The following RAP1A variants were observed in gnomAD, a reference collection of about 807,000 sequenced individuals.
RAP1A encodes the protein ras-related protein Rap-1A.
A neutral mutation model predicts 26.4 loss-of-function variants in RAP1A; 6 were observed. The observed-to-expected ratio is 0.23, with a 90% CI of 0.12 to 0.45. The LOEUF (loss-of-function observed/expected upper bound fraction) is 0.45. Among genes scored for constraint, RAP1A ranks in the 20% least tolerant of loss-of-function variants. The probability of loss-of-function intolerance (pLI) is 0.99; values close to 1 mark genes in which losing one functional copy is unlikely to be tolerated. For missense variants in RAP1A, 121 were observed against 217.2 expected (o/e 0.56, Z 2.78); for synonymous variants, 73 against 79.4 (o/e 0.92, Z 0.43).
At chr1:111,605,947 G>A (rs1352061975) in intron 1 of RAP1A, among the ~76,000 whole-genome samples, 1 of 152,168 alleles carries the variant, frequency 6.6e-6, no homozygotes, top group African/African-American at 2.4e-5. Flanking sequence ...AGCAGCAGGA[G>A]GGCACCTCTG....
chr1:111,661,249 C>T (rs780374657), intron 1 of RAP1A, among the ~76,000 whole-genome samples: 1 of 152,020 alleles, frequency 6.6e-6, no homozygotes, highest in Non-Finnish European at 1.5e-5. Context: ...TGGAGGGATT[C>T]GGAGGAGGTC....
intron 1 of RAP1A, among the ~76,000 whole-genome samples, chr1:111,686,046 T>G (rs1251131995): frequency 6.6e-6 from 1 of 151,680 alleles, no homozygotes; most frequent in East Asian, 1.9e-4. Context: ...ACACCACATG[T>G]TCTCACTCAT....
At chr1:111,549,674 T>G (rs538344566) in intron 1 of RAP1A, among the ~76,000 whole-genome samples, 6 of 147,500 alleles carry the variant, frequency 4.1e-5, no homozygotes, top group Admixed American at 1.3e-4. Flanking sequence ...AAAGACAAGA[T>G]CTCTCTCTCT....
upstream of RAP1A, among the ~76,000 whole-genome samples, chr1:111,617,331 T>C (rs921003020): frequency 1.1e-4 from 16 of 152,202 alleles, no homozygotes; most frequent in African/African-American, 3.9e-4. Flanking sequence ...TGCATTCCCT[T>C]ACTCCTATCC....
intron 1 of RAP1A, among the ~76,000 whole-genome samples, chr1:111,684,327 G>A (rs141928121): frequency 1.0e-3 from 156 of 152,252 alleles, no homozygotes; most frequent in Non-Finnish European, 1.7e-3. Context: ...GAAATAAAGG[G>A]TATTCAAACA....
chr1:111,624,373 T>G (rs1416048698), intron 1 of RAP1A, among the ~76,000 whole-genome samples: 1 of 152,234 alleles, frequency 6.6e-6, no homozygotes, highest in East Asian at 1.9e-4. Flanking sequence ...GCTTTTTAGT[T>G]TTTCATATAC....
chr1:111,602,851 C>A (rs1021336463), intron 1 of RAP1A, among the ~76,000 whole-genome samples: 2 of 152,152 alleles, frequency 1.3e-5, no homozygotes, highest in African/African-American at 4.8e-5. Context: ...AGGGATATAC[C>A]TAACACCCAA....
upstream of RAP1A, chr1:111,619,785 C>CGCCGCCGCCGCTCCCGAGGCCCCT (rs1051758668): frequency 3.8e-4 from 152 of 397,630 alleles, 1 homozygote; most frequent in Middle Eastern, 6.3e-4. Flanking sequence ...CTGGAGGAGG[C>CGCCGCCGCCGCTCCCGAGGCCCCT]GCCGCCGCCG....
At chr1:111,613,057 C>G (rs72695265) in intron 1 of RAP1A, among the ~76,000 whole-genome samples, 1 of 151,926 alleles carries the variant, frequency 6.6e-6, no homozygotes, top group Non-Finnish European at 1.5e-5. Flanking sequence ...AGCTATGTAG[C>G]CTCATTCCAG....
chr1:111,616,937 A>AGATCT (rs1659024562), upstream of RAP1A, among the ~76,000 whole-genome samples: 1 of 152,216 alleles, frequency 6.6e-6, no homozygotes, highest in Non-Finnish European at 1.5e-5. Context: ...CATAGAGAAC[A>AGATCT]GATCTTACCT....
Position 111,698,780 on chromosome 1 carries a change from A to G in RAP1A, c.183+1283A>G, listed in dbSNP as rs79435133. Among the ~76,000 whole-genome samples the G allele has an allele frequency of 6.7e-3, 1,018 of 152,190 alleles. 12 individuals are homozygous for G. Among genetic ancestry groups the G allele is most frequent in the African/African-American group, 0.023 (967 of 41,504 alleles). On this transcript the variant is annotated intron_variant, in intron 4 of 7. Coordinates refer to ENST00000369709, the MANE Select transcript of RAP1A (RefSeq NM_002884.4). ...CTTATCAGGGACCTTTGCCCTCACA[A>G]CAAGCTTCTGGTAAAGACCTTCTGA...
chr1:111,625,034 TTTAAAA>T (rs1464109389), intron 1 of RAP1A, among the ~76,000 whole-genome samples: 4 of 152,230 alleles, frequency 2.6e-5, no homozygotes, highest in Non-Finnish European at 5.9e-5. Flanking sequence ...GTTAACCAAA[TTTAAAA>T]TTAAATGTGT....
intron 1 of RAP1A, among the ~76,000 whole-genome samples, chr1:111,646,571 C>T (rs990097658): frequency 6.6e-6 from 1 of 151,828 alleles, no homozygotes; most frequent in South Asian, 2.1e-4. Context: ...GACGGAGTCT[C>T]ACTCTGTCCC....
chr1:111,704,168 TCTTC>T (rs1662114163), intron 5 of RAP1A, among the ~76,000 whole-genome samples, 171 bp from the exon 6 acceptor site: 1 of 150,036 alleles, frequency 6.7e-6, no homozygotes, highest in African/African-American at 2.5e-5. Flanking sequence ...TTTTTTTGTC[TCTTC>T]CTTCTTCCTT....
intron 1 of RAP1A, among the ~76,000 whole-genome samples, chr1:111,668,293 C>T (rs1258448254): frequency 2.6e-5 from 4 of 152,108 alleles, no homozygotes; most frequent in Admixed American, 1.3e-4. Context: ...ACTGAAAATA[C>T]GGATTATCCA....
intron 1 of RAP1A, among the ~76,000 whole-genome samples, chr1:111,682,572 T>G (rs939906741): frequency 1.3e-5 from 2 of 150,442 alleles, no homozygotes; most frequent in African/African-American, 4.9e-5. Flanking sequence ...CAACAAAGAT[T>G]AAAAAAAGAC....
chr1:111,612,986 G>A (rs1658948364), intron 1 of RAP1A, among the ~76,000 whole-genome samples: 1 of 152,060 alleles, frequency 6.6e-6, no homozygotes, highest in Non-Finnish European at 1.5e-5. Flanking sequence ...GAACACTGAG[G>A]CTACAAGAGG....
At chr1:111,687,244 G>A (rs980016704) in intron 1 of RAP1A, among the ~76,000 whole-genome samples, 2 of 139,830 alleles carry the variant, frequency 1.4e-5, no homozygotes, top group African/African-American at 5.4e-5. Context: ...GTCTCGCTCT[G>A]TTGCCCAGGG....
At chr1:111,694,485 G>T (rs563238557) in intron 2 of RAP1A, among the ~76,000 whole-genome samples, 13 of 152,078 alleles carry the variant, frequency 8.5e-5, no homozygotes, top group Non-Finnish European at 1.6e-4. Flanking sequence ...AGTTACCTAG[G>T]AAATATCTTA....
Sources: gnomAD v4.1 joint callset for allele counts (sites outside exome capture counted in the v4.1 genomes callset) on GRCh38, gnomAD v4.1.1 for gene constraint, MANE v1.5 for transcripts, NCBI Gene and HGNC (gene_info 2026-07-23, HGNC 2026-07-21) for gene names.